PROS1: variants seen among roughly 807,000 people sequenced by gnomAD.
PROS1 encodes the protein protein S.
Under a neutral mutation model 75.9 loss-of-function variants are expected in PROS1, and 29 were observed. The observed-to-expected ratio is 0.38, with a 90% CI of 0.28 to 0.52. PROS1 has a LOEUF of 0.52. PROS1 is among the 20% of genes least tolerant of loss of function. The pLI is 0.83. For synonymous variants in PROS1, 245 were observed against 280.6 expected, an observed-to-expected ratio of 0.87 and a Z score of 1.27; for missense variants, 680 against 810.3, an observed-to-expected ratio of 0.84 and a Z score of 1.95.
intron 3 of PROS1, among the ~76,000 whole-genome samples, chr3:93,915,216 C>T (rs1160816100): frequency 1.3e-5 from 2 of 152,292 alleles, no homozygotes; most frequent in East Asian, 3.9e-4. Context: ...CCTGTAATCC[C>T]AGCTCTTTGG....
intron 1 of PROS1, among the ~76,000 whole-genome samples, chr3:93,940,153 C>A (rs1277705892): frequency 6.6e-6 from 1 of 151,238 alleles, no homozygotes; most frequent in Non-Finnish European, 1.5e-5. Context: ...CCCATCTGTG[C>A]AGAACCCCAC....
chr3:93,909,508 C>A (rs573729048), intron 4 of PROS1, among the ~76,000 whole-genome samples: 30 of 149,260 alleles, frequency 2.0e-4, no homozygotes, highest in Non-Finnish European at 1.6e-4. Context: ...CCTAAAATAT[C>A]GAAGCACTTT....
chr3:93,892,165 A>G (rs916412271), intron 10 of PROS1, among the ~76,000 whole-genome samples: 3 of 152,018 alleles, frequency 2.0e-5, no homozygotes, highest in Non-Finnish European at 4.4e-5. Flanking sequence ...ACCTGTCTCT[A>G]CTAAAATTAC....
intron 6 of PROS1, among the ~76,000 whole-genome samples, chr3:93,903,153 C>A (rs565072426): frequency 6.6e-6 from 1 of 152,228 alleles, no homozygotes; most frequent in East Asian, 1.9e-4. Context: ...CAAGCATGAG[C>A]CACAGTGCCT....
At chr3:93,902,986 C>A (rs912005921) in intron 6 of PROS1, among the ~76,000 whole-genome samples, 10 of 151,962 alleles carry the variant, frequency 6.6e-5, no homozygotes, top group African/African-American at 2.4e-4. Flanking sequence ...CCTGCCTCAG[C>A]CTCCGGAGTA....
At chr3:93,900,148 C>A (rs1000670099) in intron 7 of PROS1, among the ~76,000 whole-genome samples, 1 of 152,082 alleles carries the variant, frequency 6.6e-6, no homozygotes, top group African/African-American at 2.4e-5. Flanking sequence ...TACAAACAAA[C>A]AACTATAATA....
At chr3:93,959,360 G>T (rs1467837795) in intron 1 of PROS1, among the ~76,000 whole-genome samples, 1 of 152,024 alleles carries the variant, frequency 6.6e-6, no homozygotes, top group African/African-American at 2.4e-5. Context: ...ATAAAAGAAA[G>T]AAAAAAGAAA....
chr3:93,873,903 C>T lies in PROS1; in HGVS notation c.*342G>A, dbSNP rs960609407. 8.2e-6 allele frequency: 2 copies of T among 245,316 alleles called. No individual in the cohort carries two copies. Among genetic ancestry groups the T allele is most frequent in the African/African-American group, 4.6e-5 (2 of 43,420 alleles). The allele number at this position is 245,316 out of a possible 1,614,324, so 15.2% of individuals were successfully genotyped here. On this transcript the variant is annotated 3_prime_UTR_variant, in exon 15 of 15. Transcript: ENST00000394236. The stretch of plus-strand genomic sequence containing the variant: ...ACTTTTGTTTGAGTTTACTTCCTTG[C>T]TTTCTGAAAAAAACATAGGTATTTA...
intron 1 of PROS1, among the ~76,000 whole-genome samples, chr3:93,956,562 AAACAC>A (rs1559951204): frequency 3.2e-5 from 3 of 94,248 alleles, no homozygotes; most frequent in East Asian, 2.9e-4. Flanking sequence ...ACACACACAC[AAACAC>A]ACACACACAC....
At chr3:93,875,186 T>C (rs917313164) in intron 14 of PROS1, among the ~76,000 whole-genome samples, 6 of 152,134 alleles carry the variant, frequency 3.9e-5, no homozygotes, top group African/African-American at 1.4e-4. Flanking sequence ...CATCATAGAT[T>C]ATGCCACTTT....
intron 1 of PROS1, among the ~76,000 whole-genome samples, chr3:93,947,171 G>C (rs1266064087): frequency 1.3e-5 from 2 of 152,124 alleles, no homozygotes; most frequent in Non-Finnish European, 2.9e-5. Flanking sequence ...GGAAACAACA[G>C]TGCTGGAGAG....
chr3:93,920,961 A>G (rs1708937189), intron 3 of PROS1, among the ~76,000 whole-genome samples: 1 of 152,252 alleles, frequency 6.6e-6, no homozygotes, highest in African/African-American at 2.4e-5. Flanking sequence ...TATCAAGCTC[A>G]GAAACTTTTC....
chr3:93,939,712 C>A (rs1167147665), intron 1 of PROS1, among the ~76,000 whole-genome samples: 1 of 151,960 alleles, frequency 6.6e-6, no homozygotes, highest in Non-Finnish European at 1.5e-5. Flanking sequence ...AAAAATCCAG[C>A]CCAGTTTATG....
At chr3:93,880,242 C>T (rs1160680959) in intron 12 of PROS1, among the ~76,000 whole-genome samples, 10 of 151,930 alleles carry the variant, frequency 6.6e-5, no homozygotes, top group Non-Finnish European at 1.3e-4. Context: ...AGACCGGGTA[C>T]GGTGGCACAT....
At chr3:93,885,518 G>A (rs1383719785) in intron 11 of PROS1, among the ~76,000 whole-genome samples, 9 of 152,080 alleles carry the variant, frequency 5.9e-5, no homozygotes, top group African/African-American at 1.9e-4. Flanking sequence ...GAACCACCAC[G>A]CCTGGCCTTG....
chr3:93,910,553 A>G, intron 4 of PROS1, 66 bp downstream of exon 4: 1 of 1,298,028 alleles, frequency 7.7e-7, no homozygotes, highest in Non-Finnish European at 1.1e-6. Context: ...AGTTTATATT[A>G]CCATGGGTGT....
chr3:93,911,249 G>A (rs1443892993), intron 3 of PROS1: 3 of 153,404 alleles, frequency 2.0e-5, no homozygotes, highest in African/African-American at 4.8e-5. Flanking sequence ...ACAACCCTGT[G>A]AAATCAGATA....
At chr3:93,936,044 C>T (rs1364154680) in intron 1 of PROS1, among the ~76,000 whole-genome samples, 1 of 149,262 alleles carries the variant, frequency 6.7e-6, no homozygotes, top group African/African-American at 2.5e-5. Context: ...TAAGCATTTT[C>T]ATTGTACTTG....
intron 1 of PROS1, chr3:93,928,618 T>A (rs1709062497): frequency 2.1e-6 from 1 of 473,034 alleles, no homozygotes; most frequent in Non-Finnish European, 3.7e-6. Context: ...TTGTGATCTC[T>A]GTGGAGATTG....
Sources: allele counts gnomAD v4.1 joint callset (sites outside exome capture counted in the v4.1 genomes callset), GRCh38; gene constraint gnomAD v4.1.1; transcripts MANE v1.5; gene names NCBI Gene and HGNC (gene_info 2026-07-23, HGNC 2026-07-21).